CSMD3: variants seen among roughly 807,000 people sequenced by gnomAD.
CSMD3 encodes CUB and sushi domain-containing protein 3.
CSMD3 carries 177 observed loss-of-function variants against 435.2 expected under a neutral mutation model. The observed-to-expected ratio is 0.41, with a 90% CI of 0.36 to 0.46. The LOEUF is 0.46. CSMD3 is among the 20% of genes least tolerant of loss of function. The pLI is 0.34. For synonymous variants in CSMD3, 1,656 were observed against 1,520.5 expected (o/e 1.09, Z -2.07); for missense variants, 4,265 against 4,504.6 (o/e 0.95, Z 1.52).
At chr8:112,536,559 A>C (rs952686719) in intron 27 of CSMD3, among the ~76,000 whole-genome samples, 3 of 152,204 alleles carry the variant, frequency 2.0e-5, no homozygotes, top group South Asian at 2.1e-4. Context: ...GAACACTTTT[A>C]CACTGTTGGT....
intron 4 of CSMD3, among the ~76,000 whole-genome samples, chr8:113,153,130 A>AGAGAAGGAAGGAAGGAAGGAAG (rs2091858997): frequency 1.2e-5 from 1 of 82,736 alleles, no homozygotes; most frequent in East Asian, 4.0e-4. Flanking sequence ...AGAAAGAGAA[A>AGAGAAGGAAGGAAGGAAGGAAG]GAAGGAAGGA....
chr8:112,603,252 C>T (rs971214645), intron 22 of CSMD3, among the ~76,000 whole-genome samples: 1 of 152,216 alleles, frequency 6.6e-6, no homozygotes, highest in South Asian at 2.1e-4. Flanking sequence ...GCTAGTGTCA[C>T]TTCATTCCCA....
At chr8:112,738,496 A>G (rs776494344) in intron 13 of CSMD3, among the ~76,000 whole-genome samples, 15 of 151,804 alleles carry the variant, frequency 9.9e-5, no homozygotes, top group Admixed American at 2.0e-4. Context: ...AATTTTATAA[A>G]TCTTTCAAAA....
intron 4 of CSMD3, among the ~76,000 whole-genome samples, chr8:113,130,692 G>T (rs180726465): frequency 6.6e-6 from 1 of 152,170 alleles, no homozygotes; most frequent in Admixed American, 6.6e-5. Context: ...AAGTGGAAGT[G>T]ACTTTGGAAC....
At chr8:113,381,480 C>G (rs1244976162) in intron 1 of CSMD3, among the ~76,000 whole-genome samples, 1 of 152,082 alleles carries the variant, frequency 6.6e-6, no homozygotes, top group African/African-American at 2.4e-5. Flanking sequence ...AGGGCTTGAG[C>G]AAATGCAAGG....
intron 58 of CSMD3, among the ~76,000 whole-genome samples, chr8:112,281,992 T>C (rs1266154719): frequency 6.6e-6 from 1 of 152,122 alleles, no homozygotes; most frequent in Non-Finnish European, 1.5e-5. Context: ...TGATTAACTA[T>C]TTTATATATG....
chr8:112,945,211 G>A (rs907338455), intron 9 of CSMD3, among the ~76,000 whole-genome samples: 2 of 151,484 alleles, frequency 1.3e-5, no homozygotes, highest in African/African-American at 4.8e-5. Context: ...ATTTTCATGG[G>A]ATATTAAGGC....
intron 32 of CSMD3, among the ~76,000 whole-genome samples, chr8:112,421,290 C>T (rs898786238): frequency 1.3e-5 from 2 of 151,868 alleles, no homozygotes; most frequent in Admixed American, 6.6e-5. Context: ...CACCTGTAAT[C>T]CCAGCATTTT....
intron 5 of CSMD3, among the ~76,000 whole-genome samples, chr8:113,080,094 T>C (rs545073072): frequency 6.6e-6 from 1 of 152,286 alleles, no homozygotes; most frequent in African/African-American, 2.4e-5. Context: ...GTTTGTTTGT[T>C]TTTATTTAGC....
chr8:112,514,132 A>G (rs974087292), intron 28 of CSMD3, among the ~76,000 whole-genome samples: 7 of 152,106 alleles, frequency 4.6e-5, no homozygotes, highest in African/African-American at 1.7e-4. Flanking sequence ...GGCTCAAGCA[A>G]TCCTCCCATC....
intron 57 of CSMD3, among the ~76,000 whole-genome samples, chr8:112,288,674 C>T (rs998616965): frequency 2.0e-5 from 3 of 151,486 alleles, no homozygotes; most frequent in East Asian, 3.9e-4. Flanking sequence ...AACTAGGGAG[C>T]CATCATAGAT....
intron 13 of CSMD3, among the ~76,000 whole-genome samples, chr8:112,796,619 ACT>A (rs767847127): frequency 4.6e-5 from 7 of 151,912 alleles, no homozygotes; most frequent in Non-Finnish European, 7.4e-5. Context: ...ATTGAAAAGA[ACT>A]CTCTTTTTTT....
intron 4 of CSMD3, among the ~76,000 whole-genome samples, chr8:113,163,029 G>A (rs1409041954): frequency 6.6e-6 from 1 of 152,008 alleles, no homozygotes; most frequent in African/African-American, 2.4e-5. Flanking sequence ...AAAAGCTCCT[G>A]AAAATCAGCA....
intron 23 of CSMD3, among the ~76,000 whole-genome samples, chr8:112,578,460 T>G (rs746646065): frequency 3.3e-5 from 5 of 152,018 alleles, no homozygotes; most frequent in Non-Finnish European, 7.4e-5. Context: ...CATAGCAGTC[T>G]CTACAAATTG....
intron 22 of CSMD3, among the ~76,000 whole-genome samples, chr8:112,603,146 G>A (rs927692332): frequency 6.6e-6 from 1 of 152,164 alleles, no homozygotes; most frequent in Admixed American, 6.5e-5. Context: ...TCAAAGTGTC[G>A]GGATTGCAGG....
intron 10 of CSMD3, among the ~76,000 whole-genome samples, chr8:112,896,682 C>A (rs1241761074): frequency 6.6e-6 from 1 of 151,422 alleles, no homozygotes; most frequent in Admixed American, 6.6e-5. Context: ...TGGTTTCATT[C>A]TTTATATTCC....
intron 15 of CSMD3, among the ~76,000 whole-genome samples, chr8:112,683,136 A>G (rs1281554122): frequency 1.3e-5 from 2 of 152,032 alleles, no homozygotes; most frequent in East Asian, 3.9e-4. Flanking sequence ...AACTTTTTAA[A>G]TAATTTTCCA....
At chr8:113,092,178 C>T (rs915226098) in intron 5 of CSMD3, among the ~76,000 whole-genome samples, 3 of 152,074 alleles carry the variant, frequency 2.0e-5, no homozygotes, top group Non-Finnish European at 4.4e-5. Context: ...TATTAATCTT[C>T]ACTTTCTTCA....
At chr8:113,244,463 G>A (rs1401066863) in intron 3 of CSMD3, among the ~76,000 whole-genome samples, 2 of 152,050 alleles carry the variant, frequency 1.3e-5, no homozygotes, top group Non-Finnish European at 2.9e-5. Context: ...TTACAGGCAT[G>A]TGTCACCACG....
Sources: allele counts gnomAD v4.1 joint callset (sites outside exome capture counted in the v4.1 genomes callset), GRCh38; gene constraint gnomAD v4.1.1; transcripts MANE v1.5; gene names NCBI Gene and HGNC (gene_info 2026-07-23, HGNC 2026-07-21).